The following GRM8 variants were observed in gnomAD, a reference collection of about 807,000 sequenced individuals.
GRM8 encodes glutamate metabotropic receptor 8.
A neutral mutation model predicts 87.2 loss-of-function variants in GRM8; 47 were observed. The observed-to-expected ratio is 0.54, with a 90% CI of 0.43 to 0.69. The LOEUF is 0.69. Ranked by LOEUF, GRM8 falls within the 30% of genes least tolerant of loss-of-function variation. The pLI is 0.00. For missense variants in GRM8, 1,019 were observed against 1,139.2 expected (o/e 0.89, Z 1.52); for synonymous variants, 396 against 404.5 (o/e 0.98, Z 0.25).
intron 7 of GRM8, among the ~76,000 whole-genome samples, chr7:126,670,284 G>C (rs1196591671): frequency 6.6e-6 from 1 of 152,128 alleles, no homozygotes; most frequent in Non-Finnish European, 1.5e-5. Context: ...GTCTAGAAAA[G>C]AGAGGTAAAA....
At chr7:127,165,157 T>G (rs1376241964) in intron 2 of GRM8, among the ~76,000 whole-genome samples, 1 of 53,552 alleles carries the variant, frequency 1.9e-5, no homozygotes. Context: ...TATATATATA[T>G]ATATATATAT....
chr7:127,021,282 C>T (rs1007707910), intron 3 of GRM8, among the ~76,000 whole-genome samples: 1 of 148,548 alleles, frequency 6.7e-6, no homozygotes, highest in African/African-American at 2.5e-5. Flanking sequence ...CACTACTATC[C>T]TACACCTCCC....
intron 7 of GRM8, among the ~76,000 whole-genome samples, chr7:126,716,684 G>A (rs1279163015): frequency 6.6e-6 from 1 of 152,138 alleles, no homozygotes; most frequent in African/African-American, 2.4e-5. Flanking sequence ...AACTTCAAGA[G>A]CCAAGGACTT....
chr7:126,798,948 A>G (rs1215498841), intron 6 of GRM8, among the ~76,000 whole-genome samples: 1 of 152,158 alleles, frequency 6.6e-6, no homozygotes, highest in Non-Finnish European at 1.5e-5. Flanking sequence ...GTTCCAAGGC[A>G]GAACCTAGGT....
chr7:126,611,711 CT>C (rs1798930232), intron 7 of GRM8, among the ~76,000 whole-genome samples: 1 of 152,134 alleles, frequency 6.6e-6, no homozygotes, highest in African/African-American at 2.4e-5. Context: ...AGTTCCCAAT[CT>C]TTTTTACAAT....
chr7:126,926,173 T>A (rs1179684505), intron 3 of GRM8, among the ~76,000 whole-genome samples: 1 of 152,196 alleles, frequency 6.6e-6, no homozygotes, highest in Non-Finnish European at 1.5e-5. Flanking sequence ...CGTATTATAT[T>A]TTAAGATTAT....
chr7:127,232,655 T>C (rs1797760365), intron 2 of GRM8, among the ~76,000 whole-genome samples: 1 of 152,092 alleles, frequency 6.6e-6, no homozygotes, highest in Non-Finnish European at 1.5e-5. Context: ...GGAGGAGAGG[T>C]ACCACTCAAA....
intron 6 of GRM8, among the ~76,000 whole-genome samples, chr7:126,831,548 T>G (rs563473856): frequency 6.6e-6 from 1 of 152,324 alleles, no homozygotes; most frequent in South Asian, 2.1e-4. Context: ...CCTAAGCCCA[T>G]CGGAAAAGTC....
At chr7:126,938,359 T>G (rs1806556458) in intron 3 of GRM8, among the ~76,000 whole-genome samples, 1 of 152,140 alleles carries the variant, frequency 6.6e-6, no homozygotes, top group Non-Finnish European at 1.5e-5. Context: ...TGAAATGCCT[T>G]CCTAAACAAC....
chr7:126,510,238 C>T (rs728224), intron 9 of GRM8, among the ~76,000 whole-genome samples: 124,966 of 151,186 alleles, frequency 0.83, 52,044 homozygotes, highest in African/African-American at 0.94. Context: ...ACAAATGACA[C>T]TGGACACTAT....
intron 3 of GRM8, among the ~76,000 whole-genome samples, chr7:127,070,790 C>G (rs2132673393): frequency 6.6e-6 from 1 of 152,196 alleles, no homozygotes; most frequent in Middle Eastern, 3.4e-3. Flanking sequence ...GAAAATAACC[C>G]AGGGTTTTAG....
intron 8 of GRM8, among the ~76,000 whole-genome samples, chr7:126,597,959 A>G (rs1341456939): frequency 6.6e-6 from 1 of 152,060 alleles, no homozygotes; most frequent in Admixed American, 6.6e-5. Context: ...TTTCAATTAT[A>G]CAATAAAGTA....
At chr7:126,879,692 A>G in intron 6 of GRM8, among the ~76,000 whole-genome samples, 1 of 152,346 alleles carries the variant, frequency 6.6e-6, no homozygotes, top group East Asian at 1.9e-4. Context: ...TAAATAACAG[A>G]AGAAAAAGTT....
At chr7:127,009,710 T>A (rs1407664438) in intron 3 of GRM8, among the ~76,000 whole-genome samples, 1 of 152,124 alleles carries the variant, frequency 6.6e-6, no homozygotes, top group Non-Finnish European at 1.5e-5. Context: ...GATTTGGAAT[T>A]GTGAAAAATC....
Position 126,602,523 on chromosome 7 carries a change from C to T in GRM8, c.1494+6839G>A, listed in dbSNP as rs1020246977. Among the ~76,000 whole-genome samples, 307 of 141,192 alleles carry T rather than the reference C, an allele frequency of 2.2e-3. 1 individual carries two copies. The highest frequency in any genetic ancestry group is 4.5e-3 in the Admixed American group (63 of 14,042). 92.6% of individuals were successfully genotyped at this position (141,192 alleles called of 152,430 possible). On this transcript the variant is annotated intron_variant, in intron 8 of 10. Coordinates refer to ENST00000339582, the MANE Select transcript of GRM8 (RefSeq NM_000845.3). ...CATTGAATCTGTAAATTACCTTGGG[C>T]AGTATGGCCATTTTCACCGTATTGA...
rs563959627 is a variant in GRM8, at chr7:126,818,459, A to G, written c.1157-48394T>C. Among the ~76,000 whole-genome samples, 6 of 152,328 alleles carry G rather than the reference A, an allele frequency of 3.9e-5. No homozygotes were observed. The South Asian group carries it at 1.2e-3, about 32-fold the overall frequency. ...CCAGAAGATATAATTGCAGGAGACAAGGATAACCTCTTCTTGCTTACTGTC... is the reference window on the plus strand; with the variant it reads ...CCAGAAGATATAATTGCAGGAGACAGGGATAACCTCTTCTTGCTTACTGTC... On this transcript the variant is annotated intron_variant, in intron 6 of 10. Coordinates refer to ENST00000339582, the MANE Select transcript of GRM8 (RefSeq NM_000845.3).
At chr7:127,152,138 T>C (rs970875736) in intron 2 of GRM8, among the ~76,000 whole-genome samples, 2 of 151,830 alleles carry the variant, frequency 1.3e-5, no homozygotes, top group Non-Finnish European at 2.9e-5. Flanking sequence ...ACAGACAGAG[T>C]GGGAAGGGGC....
chr7:127,131,142 C>A (rs1049889986), intron 2 of GRM8, among the ~76,000 whole-genome samples: 1 of 152,200 alleles, frequency 6.6e-6, no homozygotes, highest in African/African-American at 2.4e-5. Context: ...AAGCCACTGA[C>A]CTCTGAAACA....
chr7:126,771,209 G>A (rs10229999), intron 6 of GRM8, among the ~76,000 whole-genome samples: 1,910 of 152,032 alleles, frequency 0.013, 42 homozygotes, highest in African/African-American at 0.044. Flanking sequence ...TTAGAGAGTC[G>A]AATTAACGTG....
Sources: allele counts gnomAD v4.1 joint callset (sites outside exome capture counted in the v4.1 genomes callset), GRCh38; gene constraint gnomAD v4.1.1; transcripts MANE v1.5; gene names NCBI Gene and HGNC (gene_info 2026-07-23, HGNC 2026-07-21).